SUZ12: variants seen among roughly 807,000 people sequenced by gnomAD.
SUZ12 encodes polycomb protein SUZ12.
A neutral mutation model predicts 87.3 loss-of-function variants in SUZ12; 17 were observed. That is an observed-to-expected ratio of 0.19 (90% CI 0.13 to 0.29). SUZ12 has a LOEUF of 0.29. Ranked by LOEUF, SUZ12 falls within the 10% of genes least tolerant of loss-of-function variation. The probability of loss-of-function intolerance (pLI) is 1.00; values close to 1 mark genes in which losing one functional copy is unlikely to be tolerated. For missense variants in SUZ12, 526 were observed against 912.2 expected (o/e 0.58, Z 5.45); for synonymous variants, 253 against 312.4 (o/e 0.81, Z 2.01).
intron 4 of SUZ12, among the ~76,000 whole-genome samples, chr17:31,949,659 AGCCCC>A (rs1567814657): frequency 4.9e-4 from 1 of 2,028 alleles, no homozygotes; most frequent in African/African-American, 1.3e-3. Context: ...CACCACACCC[AGCCCC>A]CCCCCCCCCC....
At chr17:31,939,789 G>A (rs996645348) in intron 1 of SUZ12, among the ~76,000 whole-genome samples, 7 of 152,146 alleles carry the variant, frequency 4.6e-5, no homozygotes, top group Non-Finnish European at 7.3e-5. Context: ...GCCTCCCAAA[G>A]TGCTGGGAAT....
At chr17:31,942,536 C>T (rs1020965825) in intron 3 of SUZ12, among the ~76,000 whole-genome samples, 3 of 151,790 alleles carry the variant, frequency 2.0e-5, no homozygotes, top group African/African-American at 4.8e-5. Context: ...GGGGTTTTAC[C>T]ATTTTGGCCT....
rs528764477 is a variant in SUZ12 at position 31,949,535 on chromosome 17, T to A, written c.455+1850T>A. ...ACTTTCTTTAATCTATTTCTTTTTT[T>A]TTGAGATGGAGTCATGCAGTGGTGC... is the stretch of plus-strand genomic sequence containing the variant. On this transcript the variant is annotated intron_variant, in intron 4 of 15. Transcript: ENST00000322652. Among the ~76,000 whole-genome samples, 53 of 151,922 alleles carry A rather than the reference T, an allele frequency of 3.5e-4. No individual in the cohort carries two copies. The East Asian group carries it at 0.01, about 29-fold the overall frequency.
At position 31,950,417 on chromosome 17, in the gene SUZ12, G is replaced by A. The variant is rs181781654; in HGVS notation, c.455+2732G>A. ...AAGATAACACAGGCCGGGCATAGTG[G>A]CTCACACCTATAATCCCAGCATTTT... On this transcript the variant is annotated intron_variant, in intron 4 of 15. Coordinates refer to ENST00000322652, the MANE Select transcript of SUZ12 (RefSeq NM_015355.4). Among the ~76,000 whole-genome samples the A allele has an allele frequency of 3.0e-3, 450 of 152,238 alleles. 2 individuals carry two copies. Among genetic ancestry groups the A allele is most frequent in the Middle Eastern group, 0.017 (5 of 294 alleles).
chr17:31,962,912 G>C (rs1412005751), intron 4 of SUZ12, among the ~76,000 whole-genome samples: 28 of 152,220 alleles, frequency 1.8e-4, no homozygotes, highest in African/African-American at 6.8e-4. Context: ...GGATAGATTT[G>C]TTGTGACTGG....
chr17:31,950,236 G>A (rs1598151668), intron 4 of SUZ12, among the ~76,000 whole-genome samples: 1 of 152,186 alleles, frequency 6.6e-6, no homozygotes, highest in East Asian at 1.9e-4. Context: ...GAGCCACTGC[G>A]CCCAGCCTCC....
intron 15 of SUZ12, among the ~76,000 whole-genome samples, chr17:31,998,078 ATTTT>A (rs532761317): frequency 7.3e-6 from 1 of 136,552 alleles, no homozygotes; most frequent in Non-Finnish European, 1.6e-5. Context: ...TCTCTACTAA[ATTTT>A]TTTTTTTTTT....
intron 6 of SUZ12, among the ~76,000 whole-genome samples, chr17:31,973,618 T>C (rs1908569742): frequency 6.6e-6 from 1 of 152,194 alleles, no homozygotes; most frequent in Non-Finnish European, 1.5e-5. Flanking sequence ...GTAACACTGC[T>C]CTCAGGCAAA....
At chr17:31,996,590 G>T (rs1193378413) in intron 14 of SUZ12, among the ~76,000 whole-genome samples, 1 of 152,162 alleles carries the variant, frequency 6.6e-6, no homozygotes, top group Non-Finnish European at 1.5e-5. Context: ...CTGTACTTCA[G>T]CCTGGGCGAT....
At position 32,000,663 on chromosome 17, in the gene SUZ12, G is replaced by A. The variant is rs1293544911; in HGVS notation, c.*1660G>A. 4.3e-6 allele frequency: 1 copy of A among 232,056 alleles called. No individual in the cohort carries two copies. The highest frequency in any genetic ancestry group is 2.2e-5 in the African/African-American group (1 of 45,152). The allele number at this position is 232,056 out of a possible 1,614,324, so 14.4% of individuals were successfully genotyped here. A position where few individuals can be genotyped will look rare whatever the true frequency, so the allele number is the denominator to read the frequency against. Reference sequence around the variant, plus strand: ...AAAAAAAAAAAAGATTATTTTAGGGGAGATGTAGGTGTAGAATTATTGCTT... The same window carrying A: ...AAAAAAAAAAAAGATTATTTTAGGGAAGATGTAGGTGTAGAATTATTGCTT... On this transcript the variant is annotated 3_prime_UTR_variant, in exon 16 of 16. Transcript: ENST00000322652.
At position 32,000,762 on chromosome 17, in the gene SUZ12, T is replaced by C. The variant is rs1910217255; in HGVS notation, c.*1759T>C. On this transcript the variant is annotated 3_prime_UTR_variant, in exon 16 of 16. Coordinates refer to ENST00000322652, the MANE Select transcript of SUZ12 (RefSeq NM_015355.4). Reference sequence around the variant, plus strand: ...CATTGTTTGCACAAAAAGTTGGTGATTCCCACCCCAAATAGTAATAAAATT... The same window carrying C: ...CATTGTTTGCACAAAAAGTTGGTGACTCCCACCCCAAATAGTAATAAAATT... The C allele has an allele frequency of 4.8e-5, 11 of 231,050 alleles. 1 individual carries two copies. In the East Asian group the frequency reaches 6.8e-4, roughly 14 times the overall value. 14.3% of individuals were successfully genotyped at this position (231,050 alleles called of 1,614,324 possible).
At chr17:31,951,522 A>G (rs1906978505) in intron 4 of SUZ12, among the ~76,000 whole-genome samples, 3 of 143,804 alleles carry the variant, frequency 2.1e-5, no homozygotes, top group Non-Finnish European at 1.5e-5. Context: ...TCGCTCTGTC[A>G]CCCAGGCTGG....
Position 31,998,861 on chromosome 17 carries a change from C to A in SUZ12, c.2078C>A (p.Ser693Tyr), listed in dbSNP as rs572458797. The change falls in exon 16 of 16, where the codon TCT (serine) becomes TAT (tyrosine). Residue 693 changes from serine to tyrosine, a missense_variant. Physicochemically the swap from Ser to Tyr is moderately radical, Grantham distance 144. This residue lies in a region of SUZ12 where 56 missense variants were observed against 56.6 expected (regional missense o/e 0.99). Transcript: ENST00000322652. ...CAGCAAAAATTAGAAAAGGGGGAAT[C>A]TGCTTCCCCTGCAAACGAAGAAATA... ...EMQQKLEKGE[S>Y]ASPANEEITE... The A allele has an allele frequency of 1.9e-6, 3 of 1,613,576 alleles. No individual in the cohort carries two copies. Among genetic ancestry groups the A allele is most frequent in the Non-Finnish European group, 2.5e-6 (3 of 1,179,880 alleles).
intron 7 of SUZ12, among the ~76,000 whole-genome samples, chr17:31,976,292 A>G (rs1057146024): frequency 6.6e-6 from 1 of 152,250 alleles, no homozygotes; most frequent in African/African-American, 2.4e-5. Flanking sequence ...GATAATTCTA[A>G]ACAGAAACAT....
chr17:31,943,116 G>C (rs1906405396), intron 3 of SUZ12, among the ~76,000 whole-genome samples: 1 of 152,178 alleles, frequency 6.6e-6, no homozygotes, highest in African/African-American at 2.4e-5. Context: ...GAGCAAGTTT[G>C]CATTGCAGTT....
At chr17:31,967,546 C>A (rs1224570533) in intron 5 of SUZ12, 1 of 151,918 alleles carries the variant, frequency 6.6e-6, no homozygotes, top group Non-Finnish European at 1.5e-5. Context: ...AGTGGCACTC[C>A]AGCCTGGTGA....
intron 5 of SUZ12, chr17:31,966,850 G>A (rs1029473820): frequency 6.6e-6 from 1 of 152,154 alleles, no homozygotes; most frequent in African/African-American, 2.4e-5. Flanking sequence ...TCCAGTAAAA[G>A]CTCAAAGCAT....
chr17:31,962,136 A>G (rs1186590702), intron 4 of SUZ12, among the ~76,000 whole-genome samples: 1 of 152,158 alleles, frequency 6.6e-6, no homozygotes, highest in Non-Finnish European at 1.5e-5. Context: ...TGGATACTTT[A>G]TTATTTTCTG....
intron 5 of SUZ12, among the ~76,000 whole-genome samples, chr17:31,972,318 T>C (rs2142172516): frequency 6.6e-6 from 1 of 151,196 alleles, no homozygotes; most frequent in Admixed American, 6.6e-5. Flanking sequence ...TATGTGTATA[T>C]ATATGTATGT....
Sources: gnomAD v4.1 joint callset for allele counts (sites outside exome capture counted in the v4.1 genomes callset) on GRCh38, gnomAD v4.1.1 for gene constraint, gnomAD v4.1.1 regional missense constraint, MANE v1.5 for transcripts, NCBI Gene and HGNC (gene_info 2026-07-23, HGNC 2026-07-21) for gene names.